MYOM2: variants seen among roughly 807,000 people sequenced by gnomAD.
MYOM2 encodes the protein myomesin 2.
In MYOM2, 254 loss-of-function variants were observed where a neutral mutation model predicts 187.6. The ratio of observed to expected loss-of-function variants is 1.35; its 90% CI spans 1.22 to 1.50. The LOEUF is 1.50. Ranked by LOEUF, MYOM2 falls within the 40% of genes most tolerant of loss-of-function variation. The probability of loss-of-function intolerance (pLI) is 0.00; values close to 1 mark genes in which losing one functional copy is unlikely to be tolerated. For missense variants in MYOM2, 2,796 were observed against 1,924.0 expected (o/e 1.45, Z -8.48); for synonymous variants, 981 against 753.8 (o/e 1.30, Z -4.94).
chr8:2,133,390 C>A (rs79350235), intron 32 of MYOM2, among the ~76,000 whole-genome samples: 1 of 152,184 alleles, frequency 6.6e-6, no homozygotes, highest in African/African-American at 2.4e-5. Context: ...GACACCACAG[C>A]GCTATTGAAA....
intron 10 of MYOM2, among the ~76,000 whole-genome samples, chr8:2,074,661 G>A (rs1053438648): frequency 1.3e-5 from 2 of 152,066 alleles, no homozygotes; most frequent in Non-Finnish European, 2.9e-5. Context: ...CACCATGTTG[G>A]CCAGGCTGGT....
intron 6 of MYOM2, among the ~76,000 whole-genome samples, chr8:2,068,575 G>A (rs1819103614): frequency 6.6e-6 from 1 of 152,058 alleles, no homozygotes; most frequent in South Asian, 2.1e-4. Flanking sequence ...CCGGGGGACA[G>A]CTCTTCAATG....
At position 2,059,065 on chromosome 8, in the gene MYOM2, G is replaced by T. The variant is rs527982121; in HGVS notation, c.561-88G>T. 78 of 1,059,688 alleles carry T rather than the reference G, an allele frequency of 7.4e-5. No individual in the cohort carries two copies. In the East Asian group the frequency reaches 1.7e-3, roughly 23 times the overall value. 65.6% of individuals were successfully genotyped at this position (1,059,688 alleles called of 1,614,324 possible). Reference sequence around the variant, plus strand: ...CTCTAAGGGAAACCTGCAGAAATGGGCAGCAGGCGCGGGGGAGCTGGGGCA... The same window carrying T: ...CTCTAAGGGAAACCTGCAGAAATGGTCAGCAGGCGCGGGGGAGCTGGGGCA... On this transcript the variant is annotated intron_variant, in intron 5 of 36. Transcript: ENST00000262113.
At chr8:2,065,947 G>C (rs1819005214) in intron 6 of MYOM2, among the ~76,000 whole-genome samples, 1 of 152,236 alleles carries the variant, frequency 6.6e-6, no homozygotes, top group Admixed American at 6.5e-5. Context: ...CCAGTTGAGA[G>C]CCGTGGGGCG....
At position 2,106,231 on chromosome 8, in the gene MYOM2, T is replaced by G. The variant is rs749397180; in HGVS notation, c.2735-11T>G. ...TCCCTAAGCCGCTCACTTCATACTC[T>G]TCTTATGCAGGCACCAAGGAAATCA... On this transcript the variant is annotated splice_polypyrimidine_tract_variant and intron_variant, in intron 21 of 36. Coordinates refer to ENST00000262113, the MANE Select transcript of MYOM2 (RefSeq NM_003970.4). The G allele has an allele frequency of 6.2e-7, 1 of 1,613,886 alleles. No individual in the cohort carries two copies. The highest frequency in any genetic ancestry group is 2.2e-5 in the East Asian group (1 of 44,874).
At chr8:2,068,761 A>AC (rs947433542) in intron 6 of MYOM2, among the ~76,000 whole-genome samples, 4 of 150,882 alleles carry the variant, frequency 2.7e-5, no homozygotes, top group South Asian at 2.1e-4. Context: ...CATGGAATGG[A>AC]CCCCCCCGCC....
At chr8:2,052,432 ATGCCTGGGGTGAGAGGGAGAATGC>A in intron 3 of MYOM2, 119 bp downstream of exon 3, 2 of 1,104,948 alleles carry the variant, frequency 1.8e-6, no homozygotes, top group Non-Finnish European at 2.5e-6. Context: ...AACACAGGCC[ATGCCTGGGGTGAGAGGGAGAATGC>A]TGCTGTTTCC....
chr8:2,059,395 A>C (rs1818778728), intron 6 of MYOM2, 150 bp downstream of exon 6: 1 of 634,004 alleles, frequency 1.6e-6, no homozygotes, highest in Non-Finnish European at 2.7e-6. Context: ...AGTTAATGGT[A>C]CTGGTGTTGG....
chr8:2,109,207 G>A (rs1262561978), intron 24 of MYOM2, 188 bp from the exon 25 acceptor site: 2 of 630,188 alleles, frequency 3.2e-6, no homozygotes, highest in African/African-American at 3.8e-5. Flanking sequence ...TGTGGCATGA[G>A]GCTTTAGAGG....
chr8:2,106,423 A>G (rs1451453983), intron 22 of MYOM2, 25 bp downstream of exon 22: 5 of 1,612,202 alleles, frequency 3.1e-6, no homozygotes, highest in East Asian at 2.2e-5. Flanking sequence ...GAAGTTGGAT[A>G]CTGGAAACTT....
chr8:2,055,358 C>G (rs553841657), intron 3 of MYOM2, among the ~76,000 whole-genome samples: 1 of 152,256 alleles, frequency 6.6e-6, no homozygotes, highest in South Asian at 2.1e-4. Flanking sequence ...GGGAGAGGCT[C>G]TGAGGGAGAG....
At chr8:2,099,834 T>C (rs957658359) in intron 19 of MYOM2, among the ~76,000 whole-genome samples, 3 of 152,206 alleles carry the variant, frequency 2.0e-5, no homozygotes, top group Non-Finnish European at 4.4e-5. Flanking sequence ...AGAAAGTAAA[T>C]CCTGAAAGTT....
chr8:2,103,295 AT>A (rs1303732169), intron 21 of MYOM2, among the ~76,000 whole-genome samples: 1 of 151,314 alleles, frequency 6.6e-6, no homozygotes, highest in African/African-American at 2.4e-5. Flanking sequence ...GTATGTATGT[AT>A]GGGTAAATGG....
At chr8:2,102,429 A>AT (rs1387068202) in intron 20 of MYOM2, among the ~76,000 whole-genome samples, 1 of 150,392 alleles carries the variant, frequency 6.6e-6, no homozygotes, top group Non-Finnish European at 1.5e-5. Flanking sequence ...ATATGCAGAG[A>AT]TAAAAAAATG....
chr8:2,066,569 C>T (rs1458894249), intron 6 of MYOM2, among the ~76,000 whole-genome samples: 1 of 152,170 alleles, frequency 6.6e-6, no homozygotes, highest in Non-Finnish European at 1.5e-5. Flanking sequence ...GTAACATGAG[C>T]ACAAAGTAAA....
intron 3 of MYOM2, among the ~76,000 whole-genome samples, chr8:2,057,130 T>C (rs1422867242): frequency 6.6e-6 from 1 of 152,212 alleles, no homozygotes; most frequent in Admixed American, 6.5e-5. Context: ...ATCACATACA[T>C]GTTCTTCTTT....
rs117735216 is a variant in MYOM2 at position 2,118,705 on chromosome 8, G to A, written c.3453+753G>A. ...TAAAAACAATAAAAAACCCAAGGCT[G>A]GTGGGCAAGTGGGGCATTCCCCTGC... On this transcript the variant is annotated intron_variant, in intron 28 of 36. Transcript: ENST00000262113. 4.7e-3 allele frequency among the ~76,000 whole-genome samples: 712 copies of A among 152,296 alleles called. 13 individuals are homozygous for A. Among genetic ancestry groups the A allele is most frequent in the East Asian group, 0.045 (231 of 5,176 alleles).
intron 11 of MYOM2, among the ~76,000 whole-genome samples, 199 bp from the exon 12 acceptor site, chr8:2,078,530 CATATA>C (rs1250705846): frequency 3.3e-5 from 5 of 152,086 alleles, no homozygotes; most frequent in East Asian, 1.9e-4. Context: ...ATAGATATTA[CATATA>C]ATATATATAT....
chr8:2,124,114 A>T, intron 30 of MYOM2, 65 bp from the exon 31 acceptor site: 5 of 1,479,240 alleles, frequency 3.4e-6, no homozygotes, highest in Middle Eastern at 1.7e-4. Flanking sequence ...TTAATTAAAC[A>T]TTGAAAATGC....
Sources: gnomAD v4.1 joint callset for allele counts (sites outside exome capture counted in the v4.1 genomes callset) on GRCh38, gnomAD v4.1.1 for gene constraint, MANE v1.5 for transcripts, NCBI Gene and HGNC (gene_info 2026-07-23, HGNC 2026-07-21) for gene names.